NTM: variants seen among roughly 807,000 people sequenced by gnomAD.
The protein encoded by NTM is neurotrimin, also known as IgLON family member 2.
Under a neutral mutation model 42.1 loss-of-function variants are expected in NTM, and 13 were observed. That is an observed-to-expected ratio of 0.31 (90% confidence interval 0.20 to 0.49). The LOEUF is 0.49. Among genes scored for constraint, NTM ranks in the 20% least tolerant of loss-of-function variants. NTM has a pLI of 0.99. For synonymous variants in NTM, 187 were observed against 179.2 expected (o/e 1.04, Z -0.35); for missense variants, 373 against 452.8 (o/e 0.82, Z 1.60).
At chr11:131,400,910 C>T (rs1945059444) in intron 1 of NTM, among the ~76,000 whole-genome samples, 1 of 151,500 alleles carries the variant, frequency 6.6e-6, no homozygotes, top group Admixed American at 6.6e-5. Context: ...TAACATTGGG[C>T]CTTCTATGTT....
intron 1 of NTM, among the ~76,000 whole-genome samples, chr11:131,505,323 TA>T (rs1350014979): frequency 6.6e-6 from 1 of 152,170 alleles, no homozygotes; most frequent in Admixed American, 6.5e-5. Context: ...TTAAGGACTT[TA>T]TATATTTCAT....
At chr11:131,518,464 G>A (rs1276243455) in intron 1 of NTM, among the ~76,000 whole-genome samples, 1 of 152,094 alleles carries the variant, frequency 6.6e-6, no homozygotes, top group Non-Finnish European at 1.5e-5. Flanking sequence ...TGTTATAAAT[G>A]GTTACTATGC....
At chr11:131,581,915 G>A (rs1285123904) in intron 1 of NTM, 1 of 152,160 alleles carries the variant, frequency 6.6e-6, no homozygotes, top group African/African-American at 2.4e-5. Context: ...TCTTCTCAAG[G>A]GAAACAAACT....
chr11:132,285,362 C>T (rs572538911), intron 4 of NTM, among the ~76,000 whole-genome samples: 21 of 152,294 alleles, frequency 1.4e-4, no homozygotes, highest in Non-Finnish European at 2.9e-4. Context: ...CTCTTCTCAC[C>T]TTTTTGTTGT....
At chr11:131,897,134 T>C (rs2052426187) in intron 1 of NTM, 1 of 152,256 alleles carries the variant, frequency 6.6e-6, no homozygotes, top group African/African-American at 2.4e-5. Context: ...TCTCCAATTA[T>C]GGTGGTGACC....
At chr11:131,532,214 A>G (rs1342098629) in intron 1 of NTM, among the ~76,000 whole-genome samples, 1 of 152,292 alleles carries the variant, frequency 6.6e-6, no homozygotes, top group Admixed American at 6.5e-5. Flanking sequence ...ATACATCCCC[A>G]TTAAACAAGA....
intron 4 of NTM, among the ~76,000 whole-genome samples, chr11:132,284,139 G>A (rs1425541558): frequency 6.6e-6 from 1 of 152,136 alleles, no homozygotes; most frequent in South Asian, 2.1e-4. Context: ...GAAAGAGCTG[G>A]CGCACAGCAA....
chr11:131,902,341 G>A (rs2053297275), intron 1 of NTM, among the ~76,000 whole-genome samples: 1 of 152,122 alleles, frequency 6.6e-6, no homozygotes, highest in African/African-American at 2.4e-5. Context: ...AAAATGTGTG[G>A]GTGCCTTCCC....
chr11:131,673,256 C>G (rs2070741286), intron 1 of NTM, among the ~76,000 whole-genome samples: 1 of 152,122 alleles, frequency 6.6e-6, no homozygotes, highest in African/African-American at 2.4e-5. Flanking sequence ...GGAGGATGCT[C>G]AGGGCTGCCT....
chr11:131,664,924 G>A (rs534759453), intron 1 of NTM, among the ~76,000 whole-genome samples: 4 of 152,184 alleles, frequency 2.6e-5, no homozygotes, highest in African/African-American at 7.2e-5. Flanking sequence ...GCACATCCTC[G>A]TGTGTGGCTG....
chr11:132,198,052 T>C (rs928876739), intron 3 of NTM, among the ~76,000 whole-genome samples: 2 of 152,178 alleles, frequency 1.3e-5, no homozygotes, highest in African/African-American at 4.8e-5. Flanking sequence ...TTTCTAGTTC[T>C]AGATCCCTGA....
chr11:131,787,443 G>C (rs971309336), intron 1 of NTM, among the ~76,000 whole-genome samples: 2 of 151,168 alleles, frequency 1.3e-5, no homozygotes, highest in Non-Finnish European at 2.9e-5. Context: ...GCAGTGGCAT[G>C]AGCTCGGCTC....
intron 1 of NTM, among the ~76,000 whole-genome samples, chr11:131,896,101 G>A (rs1387535690): frequency 6.6e-6 from 1 of 152,184 alleles, no homozygotes; most frequent in Non-Finnish European, 1.5e-5. Context: ...ATAAGTAAAG[G>A]ACATCATCTG....
At chr11:131,513,075 T>A (rs2048458864) in intron 1 of NTM, among the ~76,000 whole-genome samples, 1 of 152,162 alleles carries the variant, frequency 6.6e-6, no homozygotes, top group South Asian at 2.1e-4. Context: ...TGACACTGCA[T>A]CCTCCTCACA....
chr11:132,288,964 A>G (rs2094355326), intron 4 of NTM, among the ~76,000 whole-genome samples: 1 of 152,098 alleles, frequency 6.6e-6, no homozygotes, highest in African/African-American at 2.4e-5. Context: ...TTTTTACTCT[A>G]TCATCTCTAT....
intron 4 of NTM, among the ~76,000 whole-genome samples, chr11:132,273,006 T>C (rs1263516557): frequency 6.6e-6 from 1 of 152,060 alleles, no homozygotes; most frequent in Non-Finnish European, 1.5e-5. Context: ...ATTTTTGTTT[T>C]GTTTTTGTTT....
intron 2 of NTM, among the ~76,000 whole-genome samples, chr11:131,924,586 A>T (rs2057697020): frequency 6.6e-6 from 1 of 152,098 alleles, no homozygotes; most frequent in Non-Finnish European, 1.5e-5. Context: ...GAAATTCTTT[A>T]TGTTCTTTCC....
intron 1 of NTM, among the ~76,000 whole-genome samples, chr11:131,900,811 G>T (rs776644220): frequency 6.6e-6 from 1 of 152,184 alleles, no homozygotes; most frequent in Non-Finnish European, 1.5e-5. Context: ...GCAATACTAG[G>T]AGAATTTTTA....
intron 1 of NTM, among the ~76,000 whole-genome samples, chr11:131,615,351 TTCTCTC>T (rs142402475): frequency 2.0e-5 from 3 of 150,504 alleles, no homozygotes; most frequent in Non-Finnish European, 3.0e-5. Context: ...TCATAGCAAG[TTCTCTC>T]TCTCTCTCTC....
Sources: allele counts gnomAD v4.1 joint callset (sites outside exome capture counted in the v4.1 genomes callset), GRCh38; gene constraint gnomAD v4.1.1; transcripts MANE v1.5; gene names NCBI Gene and HGNC (gene_info 2026-07-23, HGNC 2026-07-21).